Variants in CPAMD8 observed in about 807,000 individuals in gnomAD.
The protein encoded by CPAMD8 is C3 and PZP-like alpha-2-macroglobulin domain-containing protein 8.
In CPAMD8, 146 loss-of-function variants were observed where a neutral mutation model predicts 224.7. That is an observed-to-expected ratio of 0.65 (90% CI 0.57 to 0.75). CPAMD8 has a LOEUF of 0.75. Ranked by LOEUF, CPAMD8 falls within the 30% of genes least tolerant of loss-of-function variation. The pLI is 0.00. For missense variants in CPAMD8, 2,301 were observed against 2,537.5 expected, an observed-to-expected ratio of 0.91 and a Z score of 2.00; for synonymous variants, 966 against 1,044.6, an observed-to-expected ratio of 0.92 and a Z score of 1.45.
At chr19:16,992,288 G>C (rs1384399946) in intron 12 of CPAMD8, among the ~76,000 whole-genome samples, 1 of 152,062 alleles carries the variant, frequency 6.6e-6, no homozygotes, top group Non-Finnish European at 1.5e-5. Context: ...GTGATCACTG[G>C]GTATCGAAAA....
At chr19:16,986,212 G>T (rs1268116009) in intron 13 of CPAMD8, among the ~76,000 whole-genome samples, 1 of 152,032 alleles carries the variant, frequency 6.6e-6, no homozygotes, top group Non-Finnish European at 1.5e-5. Context: ...AGAGGAAGAG[G>T]TCCCTGCACC....
intron 41 of CPAMD8, 23 bp from the exon 42 acceptor site, chr19:16,893,362 C>A (rs1157664149): frequency 1.4e-6 from 2 of 1,462,716 alleles, no homozygotes; most frequent in Non-Finnish European, 9.2e-7. Flanking sequence ...TTTTATCTTA[C>A]AACATCCTCT....
chr19:17,008,409 G>A, intron 7 of CPAMD8, 96 bp downstream of exon 7: 1 of 1,434,936 alleles, frequency 7.0e-7, no homozygotes, highest in Non-Finnish European at 9.6e-7. Context: ...GCAGCAGTGG[G>A]GGTACATTAG....
rs375192311 is a variant in CPAMD8 at position 17,023,773 on chromosome 19, G to A, written c.93-1592C>T. On this transcript the variant is annotated intron_variant, in intron 1 of 41. Transcript: ENST00000443236. ...ATTTTTGTATTTTTGGTAGAGACTG[G>A]GTTCCACCATGTTGGCCAGGCTGGT... 2.0e-5 allele frequency among the ~76,000 whole-genome samples: 3 copies of A among 151,944 alleles called. No homozygotes were observed. The East Asian group carries it at 5.8e-4, about 30-fold the overall frequency.
At chr19:17,024,733 C>T (rs115451067) in intron 1 of CPAMD8, among the ~76,000 whole-genome samples, 3,699 of 152,330 alleles carry the variant, frequency 0.024, 126 homozygotes, top group African/African-American at 0.083. Context: ...ACCTGACCCA[C>T]CCCTAGCATC....
Position 16,896,520 on chromosome 19 carries a change from C to CA in CPAMD8, c.5210dup (p.Arg1738AlafsTer36). The CA allele has an allele frequency of 1.4e-6, 2 of 1,436,998 alleles. No individual in the cohort carries two copies. The highest frequency in any genetic ancestry group is 1.8e-6 in the Non-Finnish European group (2 of 1,106,414). 89.0% of individuals were successfully genotyped at this position (1,436,998 alleles called of 1,614,324 possible). A position where few individuals can be genotyped will look rare whatever the true frequency, so the allele number is the denominator to read the frequency against. ...CGGCCTGGCGGCAGGCGGCCTCCCGCAGGCGGCAGGCGCTGGCGTAGACCA... is the reference window on the plus strand; with the variant it reads ...CGGCCTGGCGGCAGGCGGCCTCCCGCAAGGCGGCAGGCGCTGGCGTAGACCA... On this transcript the variant is annotated frameshift_variant, in exon 40 of 42. Transcript: ENST00000443236. LOFTEE classifies it high-confidence loss of function.
In CPAMD8 at chr19:16,903,574, C is replaced by T; in HGVS notation, c.4457G>A (p.Cys1486Tyr). The part of the protein sequence containing the change: ...GLFVSAKGDG[C>Y]CLMQIDVTYN... ...CCAAAACCTCACCTGCATCAGGCAG[C>T]AGCCGTCCCCCTTGGCACTCACAAA... The change falls in exon 34 of 42, where the codon TGC becomes TAC. Residue 1486 changes from cysteine (C) to tyrosine (Y), a missense_variant. Physicochemically the swap from Cys to Tyr is radical, Grantham distance 194. Around this residue, in one of 4 missense-constraint regions of CPAMD8, gnomAD observed 1,709 missense variants for 1,753.2 expected, o/e 0.97. Coordinates refer to ENST00000443236, the MANE Select transcript of CPAMD8 (RefSeq NM_015692.5). 1 of 1,614,148 alleles carries T rather than the reference C, an allele frequency of 6.2e-7. No homozygotes were observed. Among genetic ancestry groups the T allele is most frequent in the Non-Finnish European group, 8.5e-7 (1 of 1,180,026 alleles).
At chr19:17,000,923 G>T (rs987699059) in intron 9 of CPAMD8, among the ~76,000 whole-genome samples, 2 of 152,160 alleles carry the variant, frequency 1.3e-5, no homozygotes, top group African/African-American at 2.4e-5. Flanking sequence ...CTCACCCAGA[G>T]AATGGGACTC....
intron 27 of CPAMD8, among the ~76,000 whole-genome samples, chr19:16,916,376 C>T (rs1267577150): frequency 1.3e-5 from 2 of 151,982 alleles, no homozygotes; most frequent in South Asian, 4.1e-4. Context: ...GCTGGGATTA[C>T]AGCCTCCCGA....
Position 16,972,726 on chromosome 19 carries a change from G to T in CPAMD8, c.2071-1693C>A, listed in dbSNP as rs1211468809. On this transcript the variant is annotated intron_variant, in intron 17 of 41. Coordinates refer to ENST00000443236, the MANE Select transcript of CPAMD8 (RefSeq NM_015692.5). ...TGGGATTACAGGCGTGAGCCACCGC[G>T]CCCAGCCTTTGAATAAGAAATTCAA... Among the ~76,000 whole-genome samples, 3 of 152,182 alleles carry T rather than the reference G, an allele frequency of 2.0e-5. No homozygotes were observed. The South Asian group carries it at 6.2e-4, about 32-fold the overall frequency.
At chr19:16,934,751 T>G (rs543218999) in intron 23 of CPAMD8, among the ~76,000 whole-genome samples, 1 of 152,292 alleles carries the variant, frequency 6.6e-6, no homozygotes, top group African/African-American at 2.4e-5. Context: ...CTTCCCAAAT[T>G]TCTGCAATAC....
intron 19 of CPAMD8, among the ~76,000 whole-genome samples, chr19:16,954,895 G>A (rs550769183): frequency 4.6e-5 from 7 of 152,300 alleles, no homozygotes; most frequent in South Asian, 4.1e-4. Context: ...TTGGGAGGCC[G>A]AGGCGGGCGG....
intron 22 of CPAMD8, among the ~76,000 whole-genome samples, chr19:16,939,988 C>A (rs1354113848): frequency 6.6e-6 from 1 of 152,040 alleles, no homozygotes; most frequent in Non-Finnish European, 1.5e-5. Context: ...TCTCGGTTCA[C>A]TACAACCTCC....
intron 26 of CPAMD8, 27 bp from the exon 27 acceptor site, chr19:16,922,013 T>A: frequency 1.3e-6 from 2 of 1,513,212 alleles, no homozygotes; most frequent in Non-Finnish European, 8.9e-7. Context: ...GAGGACCCTG[T>A]CCTGTTGAGT....
chr19:16,914,847 C>A (rs1295108640), intron 27 of CPAMD8, 34 bp from the exon 28 acceptor site: 15 of 1,509,786 alleles, frequency 9.9e-6, no homozygotes, highest in Non-Finnish European at 1.3e-5. Context: ...TGAGGGGTTG[C>A]AGAATGGTCA....
intron 29 of CPAMD8, among the ~76,000 whole-genome samples, chr19:16,910,266 T>G (rs1207009098): frequency 1.3e-5 from 2 of 150,478 alleles, no homozygotes; most frequent in African/African-American, 4.9e-5. Context: ...GCCTCCCAGG[T>G]TCAAGCGATT....
At chr19:16,945,777 ATGTG>A (rs373537612) in intron 21 of CPAMD8, 98 bp from the exon 22 acceptor site, 9 of 1,075,088 alleles carry the variant, frequency 8.4e-6, no homozygotes, top group Admixed American at 1.8e-5. Context: ...GCATGCATGC[ATGTG>A]TGTGTGTGTG....
intron 39 of CPAMD8, 111 bp from the exon 40 acceptor site, chr19:16,896,776 G>T: frequency 4.2e-6 from 3 of 713,020 alleles, no homozygotes; most frequent in East Asian, 3.4e-5. Context: ...CTACCCCCTC[G>T]GTGGGTCTTG....
chr19:16,946,956 G>A, intron 21 of CPAMD8, 118 bp downstream of exon 21: 1 of 1,059,298 alleles, frequency 9.4e-7, no homozygotes, highest in Non-Finnish European at 1.3e-6. Flanking sequence ...CATTTTCCTT[G>A]GGACAGTCCT....
Sources: allele counts gnomAD v4.1 joint callset (sites outside exome capture counted in the v4.1 genomes callset), GRCh38; gene constraint gnomAD v4.1.1; regional missense constraint gnomAD v4.1.1; transcripts MANE v1.5; gene names NCBI Gene and HGNC (gene_info 2026-07-23, HGNC 2026-07-21).